The following NLGN1 variants were observed in gnomAD, a reference collection of about 807,000 sequenced individuals.
NLGN1 encodes neuroligin-1.
NLGN1 carries 12 observed loss-of-function variants against 65.5 expected under a neutral mutation model. The observed-to-expected ratio is 0.18, with a 90% CI of 0.12 to 0.30. The LOEUF (loss-of-function observed/expected upper bound fraction) is 0.30, where lower values mean the gene tolerates loss of function less well. NLGN1 is among the 10% of genes least tolerant of loss of function. The pLI is 1.00. For synonymous variants in NLGN1, 350 were observed against 359.5 expected (o/e 0.97, Z 0.30); for missense variants, 750 against 1,007.1 (o/e 0.74, Z 3.46).
the NLGN1 span, among the ~76,000 whole-genome samples, chr3:174,292,342 A>G: frequency 2.0e-5 from 3 of 151,280 alleles, no homozygotes; most frequent in African/African-American, 7.3e-5. Flanking sequence ...AACAAACCAT[A>G]GAAGGTGAAC....
At chr3:173,939,540 T>G in intron 4 of NLGN1, among the ~76,000 whole-genome samples, 1 of 152,292 alleles carries the variant, frequency 6.6e-6, no homozygotes, top group Non-Finnish European at 1.5e-5. Context: ...GAGAGGAAAC[T>G]GAAAGATTTT....
At chr3:174,029,092 C>T (rs1357893010) in intron 4 of NLGN1, among the ~76,000 whole-genome samples, 1 of 152,212 alleles carries the variant, frequency 6.6e-6, no homozygotes, top group African/African-American at 2.4e-5. Flanking sequence ...CATACAGAGT[C>T]CTCACTGGGG....
intron 4 of NLGN1, among the ~76,000 whole-genome samples, chr3:174,000,075 G>T (rs1330694330): frequency 1.3e-5 from 2 of 151,928 alleles, no homozygotes; most frequent in African/African-American, 2.4e-5. Context: ...TTTGAAACAG[G>T]CAAGTACATA....
intron 4 of NLGN1, among the ~76,000 whole-genome samples, chr3:173,993,926 G>C (rs1021790801): frequency 3.3e-5 from 5 of 151,872 alleles, no homozygotes; most frequent in African/African-American, 1.2e-4. Context: ...GAGTGTGTGT[G>C]TGTGTATGTG....
chr3:174,114,015 A>T (rs1021355252), intron 4 of NLGN1, among the ~76,000 whole-genome samples: 4 of 152,132 alleles, frequency 2.6e-5, no homozygotes, highest in South Asian at 2.1e-4. Flanking sequence ...ATTTTACCAG[A>T]TGCTCTCTTC....
intron 4 of NLGN1, among the ~76,000 whole-genome samples, chr3:174,195,272 A>G (rs774325062): frequency 4.7e-4 from 71 of 152,334 alleles, no homozygotes; most frequent in Middle Eastern, 3.4e-3. Flanking sequence ...GTTATGTTCA[A>G]AATAGAATAT....
intron 4 of NLGN1, among the ~76,000 whole-genome samples, chr3:174,066,747 A>G (rs1046632621): frequency 1.3e-5 from 2 of 152,048 alleles, no homozygotes; most frequent in Non-Finnish European, 2.9e-5. Context: ...GGTCCTTGCT[A>G]TGGGCAAGGT....
intron 4 of NLGN1, among the ~76,000 whole-genome samples, chr3:173,833,744 C>G (rs1375271690): frequency 6.6e-6 from 1 of 152,110 alleles, no homozygotes; most frequent in East Asian, 1.9e-4. Flanking sequence ...TCTCAAACTT[C>G]CGGGCCTCAG....
chr3:174,142,148 G>T (rs1470505595), intron 4 of NLGN1, among the ~76,000 whole-genome samples: 2 of 151,936 alleles, frequency 1.3e-5, no homozygotes, highest in African/African-American at 4.8e-5. Flanking sequence ...GTATCATTTT[G>T]TATGTTTAAT....
chr3:174,180,384 A>C (rs1730165068), intron 4 of NLGN1, among the ~76,000 whole-genome samples: 1 of 152,192 alleles, frequency 6.6e-6, no homozygotes, highest in Admixed American at 6.6e-5. Context: ...GTATTTAGAT[A>C]ACAAAGTGAA....
At chr3:174,209,619 C>CTTTT (rs1184386254) in intron 4 of NLGN1, among the ~76,000 whole-genome samples, 4 of 97,278 alleles carry the variant, frequency 4.1e-5, no homozygotes, top group African/African-American at 1.4e-4. Context: ...ATCAACCTTT[C>CTTTT]TTTCTTTTTT....
intron 4 of NLGN1, among the ~76,000 whole-genome samples, chr3:173,826,057 C>CTG (rs1166938834): frequency 3.3e-5 from 5 of 151,844 alleles, no homozygotes; most frequent in Admixed American, 2.0e-4. Flanking sequence ...AGTGCATTAG[C>CTG]TGTGTGTGTG....
At chr3:173,440,331 G>A (rs1000515044) in intron 2 of NLGN1, among the ~76,000 whole-genome samples, 1 of 151,992 alleles carries the variant, frequency 6.6e-6, no homozygotes, top group Non-Finnish European at 1.5e-5. Flanking sequence ...TTTTGCTAAT[G>A]TTGATATTTT....
At chr3:173,666,954 G>A (rs1761784055) in intron 3 of NLGN1, among the ~76,000 whole-genome samples, 1 of 152,064 alleles carries the variant, frequency 6.6e-6, no homozygotes, top group South Asian at 2.1e-4. Context: ...TTCAAGATCA[G>A]TTCCTTTGCA....
At chr3:174,087,238 C>T (rs1743597985) in intron 4 of NLGN1, among the ~76,000 whole-genome samples, 1 of 152,058 alleles carries the variant, frequency 6.6e-6, no homozygotes, top group Non-Finnish European at 1.5e-5. Context: ...TTAGATTATC[C>T]ATATAACAAA....
chr3:173,896,111 T>C (rs1736311668), intron 4 of NLGN1, among the ~76,000 whole-genome samples: 1 of 152,210 alleles, frequency 6.6e-6, no homozygotes, highest in South Asian at 2.1e-4. Context: ...CCATGCTCCA[T>C]TGGTTCCACT....
intron 2 of NLGN1, among the ~76,000 whole-genome samples, chr3:173,499,314 C>A (rs1730592200): frequency 6.6e-6 from 1 of 151,730 alleles, no homozygotes; most frequent in Non-Finnish European, 1.5e-5. Context: ...AATAGGGAAT[C>A]CTTTCCCCAT....
At chr3:173,731,058 G>A (rs914970618) in intron 3 of NLGN1, among the ~76,000 whole-genome samples, 8 of 151,972 alleles carry the variant, frequency 5.3e-5, no homozygotes, top group South Asian at 2.1e-4. Flanking sequence ...TAATTTTACC[G>A]TATAATCTGT....
At chr3:173,520,459 C>T (rs977696884) in intron 2 of NLGN1, among the ~76,000 whole-genome samples, 1 of 152,142 alleles carries the variant, frequency 6.6e-6, no homozygotes, top group African/African-American at 2.4e-5. Flanking sequence ...TTGTAAAGCC[C>T]ACACTAGAAA....
Sources: allele counts gnomAD v4.1 joint callset (sites outside exome capture counted in the v4.1 genomes callset), GRCh38; gene constraint gnomAD v4.1.1; transcripts MANE v1.5; gene names NCBI Gene and HGNC (gene_info 2026-07-23, HGNC 2026-07-21).